The following RAI14 variants were observed in gnomAD, a reference collection of about 807,000 sequenced individuals.
The protein encoded by RAI14 is retinoic acid induced 14.
Under a neutral mutation model 115.4 loss-of-function variants are expected in RAI14, and 45 were observed. That is an observed-to-expected ratio of 0.39 (90% CI 0.31 to 0.50). The LOEUF (loss-of-function observed/expected upper bound fraction) is 0.50, where lower values mean the gene tolerates loss of function less well. Among genes scored for constraint, RAI14 ranks in the 20% least tolerant of loss-of-function variants. The pLI, the probability that RAI14 is intolerant of heterozygous loss-of-function variation, is 0.85. For missense variants in RAI14, 939 were observed against 1,131.2 expected (o/e 0.83, Z 2.44); for synonymous variants, 371 against 415.4 (o/e 0.89, Z 1.30).
chr5:34,670,908 T>C (rs1365772740), intron 1 of RAI14, among the ~76,000 whole-genome samples: 4 of 152,218 alleles, frequency 2.6e-5, no homozygotes, highest in African/African-American at 9.6e-5. Context: ...AAATGGTAGC[T>C]CTTAGCATGA....
chr5:34,673,873 T>C (rs1440189318), intron 1 of RAI14, among the ~76,000 whole-genome samples: 1 of 152,064 alleles, frequency 6.6e-6, no homozygotes, highest in Non-Finnish European at 1.5e-5. Flanking sequence ...CCCCCAACTC[T>C]AAAAACCCCA....
intron 2 of RAI14, among the ~76,000 whole-genome samples, chr5:34,737,187 A>C (rs1744976522): frequency 6.6e-6 from 1 of 152,088 alleles, no homozygotes; most frequent in South Asian, 2.1e-4. Context: ...CTGGTGCCAA[A>C]ATGGTTGGTA....
intron 12 of RAI14, among the ~76,000 whole-genome samples, chr5:34,817,976 G>A (rs1212793962): frequency 6.6e-6 from 1 of 152,066 alleles, no homozygotes; most frequent in Non-Finnish European, 1.5e-5. Context: ...GTTATATAGT[G>A]GAAAATATAA....
At chr5:34,829,689 G>T in intron 16 of RAI14, 43 bp from the exon 17 acceptor site, 1 of 1,523,968 alleles carries the variant, frequency 6.6e-7, no homozygotes, top group Non-Finnish European at 9.0e-7. Context: ...GTTCTTTAAA[G>T]ATCTCTTAAG....
In RAI14 at chr5:34,805,610, C is replaced by T. The variant is rs556518837; in HGVS notation, c.321+1834C>T. Among the ~76,000 whole-genome samples the T allele has an allele frequency of 4.6e-5, 7 of 152,244 alleles. No homozygotes were observed. In the South Asian group the frequency reaches 6.2e-4, roughly 14 times the overall value. On this transcript the variant is annotated intron_variant, in intron 5 of 17. Transcript: ENST00000265109. ...ATCCTAGCACTTTGGGAGGCTGAGG[C>T]GGGTGGATCACCTGAGGCCAGGAGT...
intron 1 of RAI14, among the ~76,000 whole-genome samples, chr5:34,658,513 G>A (rs1359194700): frequency 2.0e-5 from 3 of 151,804 alleles, no homozygotes; most frequent in Non-Finnish European, 2.9e-5. Flanking sequence ...AAAAATAAGG[G>A]CCAGGCATGG....
rs1203605168 is a variant in RAI14 at position 34,831,570 on chromosome 5, A to T, written c.*805A>T. ...TTTACAGCCAAAAGAAATGCCTCAT[A>T]GTTCTTAACCTCAACTTTTGTAGAA... is the stretch of plus-strand genomic sequence containing the variant. On this transcript the variant is annotated 3_prime_UTR_variant, in exon 18 of 18. Transcript: ENST00000265109. 6.6e-6 allele frequency: 1 copy of T among 152,660 alleles called. No individual in the cohort carries two copies. The highest frequency in any genetic ancestry group is 2.4e-5 in the African/African-American group (1 of 41,462). The allele number at this position is 152,660 out of a possible 1,614,324, so 9.5% of individuals were successfully genotyped here. A position where few individuals can be genotyped will look rare whatever the true frequency, so the allele number is the denominator to read the frequency against.
intron 2 of RAI14, among the ~76,000 whole-genome samples, chr5:34,691,376 C>G (rs7702728): frequency 0.45 from 68,264 of 151,988 alleles, 17,561 homozygotes; most frequent in South Asian, 0.64. Context: ...ATTAAGCGAG[C>G]GCAGAGTTCT....
chr5:34,783,641 A>C (rs1455283972), intron 3 of RAI14, among the ~76,000 whole-genome samples: 2 of 152,158 alleles, frequency 1.3e-5, no homozygotes, highest in African/African-American at 2.4e-5. Context: ...CAATAATACG[A>C]GATTCAATTG....
chr5:34,674,391 T>G (rs1743827215), intron 1 of RAI14, among the ~76,000 whole-genome samples: 2 of 152,178 alleles, frequency 1.3e-5, no homozygotes, highest in African/African-American at 4.8e-5. Flanking sequence ...CCAAGTTTCC[T>G]TATTTCAAAA....
intron 2 of RAI14, among the ~76,000 whole-genome samples, chr5:34,720,802 A>G (rs895892319): frequency 1.3e-5 from 2 of 151,852 alleles, no homozygotes; most frequent in African/African-American, 4.8e-5. Context: ...CAGAGGTGAA[A>G]AGTTTTTGGA....
At chr5:34,799,592 T>C (rs893666616) in intron 4 of RAI14, among the ~76,000 whole-genome samples, 1 of 151,920 alleles carries the variant, frequency 6.6e-6, no homozygotes, top group Non-Finnish European at 1.5e-5. Context: ...TTTTTATCCA[T>C]GATTAATGTC....
chr5:34,829,443 C>T (rs1344784703), intron 16 of RAI14, among the ~76,000 whole-genome samples: 3 of 152,102 alleles, frequency 2.0e-5, no homozygotes, highest in Non-Finnish European at 2.9e-5. Context: ...CCACCTCAGC[C>T]GCCCAAAGAG....
At chr5:34,703,817 GT>G (rs1374145855) in intron 2 of RAI14, among the ~76,000 whole-genome samples, 1 of 152,206 alleles carries the variant, frequency 6.6e-6, no homozygotes, top group Non-Finnish European at 1.5e-5. Context: ...GATTCTAGCA[GT>G]TACCTTGTAG....
rs768224282 is a variant in RAI14 at position 34,824,394 on chromosome 5, A to T, written c.2552A>T (p.Glu851Val). ...LLKSKEQEVN[E>V]LLQKFQQAQE... ...AAATCCAAAGAGCAAGAAGTAAATGAACTTCTGCAAAAATTCCAGCAAGCT... is the reference window on the plus strand; with the variant it reads ...AAATCCAAAGAGCAAGAAGTAAATGTACTTCTGCAAAAATTCCAGCAAGCT... Residue 851 changes from glutamate to valine, a missense_variant, in exon 15 of 18, where the codon GAA becomes GTA. Physicochemically the swap from Glu to Val is moderately radical, Grantham distance 121. Coordinates refer to ENST00000265109, the MANE Select transcript of RAI14 (RefSeq NM_015577.3). The T allele has an allele frequency of 1.2e-6, 2 of 1,610,132 alleles. No individual in the cohort carries two copies. The highest frequency in any genetic ancestry group is 1.7e-6 in the Non-Finnish European group (2 of 1,176,862).
intron 2 of RAI14, among the ~76,000 whole-genome samples, chr5:34,693,365 A>G (rs560202038): frequency 6.6e-6 from 1 of 152,320 alleles, no homozygotes; most frequent in South Asian, 2.1e-4. Flanking sequence ...TGTTTTCAGC[A>G]TCTAAGAGAG....
At chr5:34,780,180 C>T (rs1313614057) in intron 3 of RAI14, among the ~76,000 whole-genome samples, 2 of 152,246 alleles carry the variant, frequency 1.3e-5, no homozygotes, top group East Asian at 3.9e-4. Flanking sequence ...ATGTAGAAAG[C>T]TGAAACTGGA....
At chr5:34,746,813 G>A (rs563570496) in intron 2 of RAI14, among the ~76,000 whole-genome samples, 1 of 152,222 alleles carries the variant, frequency 6.6e-6, no homozygotes, top group Admixed American at 6.5e-5. Flanking sequence ...ATCTCAACTT[G>A]AATTGTATCT....
intron 1 of RAI14, among the ~76,000 whole-genome samples, chr5:34,662,143 ACAT>A: frequency 6.6e-6 from 1 of 152,308 alleles, no homozygotes; most frequent in East Asian, 1.9e-4. Context: ...TGCAGAGTGT[ACAT>A]CATCATTGCC....
Sources: allele counts gnomAD v4.1 joint callset (sites outside exome capture counted in the v4.1 genomes callset), GRCh38; gene constraint gnomAD v4.1.1; transcripts MANE v1.5; gene names NCBI Gene and HGNC (gene_info 2026-07-23, HGNC 2026-07-21).